CNGA1: variants seen among roughly 807,000 people sequenced by gnomAD.
CNGA1 encodes cyclic nucleotide-gated channel alpha-1.
In CNGA1, 53 loss-of-function variants were observed where a neutral mutation model predicts 69.7. The ratio of observed to expected loss-of-function variants is 0.76; its 90% CI spans 0.61 to 0.96. The LOEUF (loss-of-function observed/expected upper bound fraction) is 0.96. Ranked by LOEUF, CNGA1 falls within the 40% of genes least tolerant of loss-of-function variation. The probability of loss-of-function intolerance (pLI) is 0.00; values close to 1 mark genes in which losing one functional copy is unlikely to be tolerated. For synonymous variants in CNGA1, 249 were observed against 283.5 expected (o/e 0.88, Z 1.22); for missense variants, 739 against 811.2 (o/e 0.91, Z 1.08).
At chr4:47,992,130 G>A (rs1742296107) in intron 2 of CNGA1, among the ~76,000 whole-genome samples, 1 of 152,064 alleles carries the variant, frequency 6.6e-6, no homozygotes, top group Admixed American at 6.5e-5. Flanking sequence ...TTTTTGCTTA[G>A]TCTTGCTTTG....
intron 3 of CNGA1, among the ~76,000 whole-genome samples, chr4:47,956,198 T>C (rs541765726): frequency 1.3e-5 from 2 of 152,310 alleles, no homozygotes; most frequent in Non-Finnish European, 2.9e-5. Context: ...AGACAATGGA[T>C]CTTCCATTTC....
chr4:47,949,487 C>T (rs1739615084), intron 6 of CNGA1, among the ~76,000 whole-genome samples: 1 of 152,164 alleles, frequency 6.6e-6, no homozygotes, highest in Non-Finnish European at 1.5e-5. Flanking sequence ...CTTCTGCATA[C>T]AAGCCTCCAT....
At chr4:48,011,899 G>T (rs1715183053) in intron 1 of CNGA1, among the ~76,000 whole-genome samples, 1 of 152,098 alleles carries the variant, frequency 6.6e-6, no homozygotes, top group African/African-American at 2.4e-5. Context: ...CTTAATAGTG[G>T]CGGCCCTTAA....
At chr4:47,953,294 C>T (rs979569683) in intron 3 of CNGA1, among the ~76,000 whole-genome samples, 2 of 152,144 alleles carry the variant, frequency 1.3e-5, no homozygotes, top group Non-Finnish European at 2.9e-5. Flanking sequence ...ATGTACCAGA[C>T]TTATAAAACA....
intron 2 of CNGA1, among the ~76,000 whole-genome samples, chr4:47,985,586 A>G (rs1741941403): frequency 6.6e-6 from 1 of 152,238 alleles, no homozygotes; most frequent in South Asian, 2.1e-4. Flanking sequence ...CTTGGTCAAT[A>G]TCATGAAACT....
intron 2 of CNGA1, among the ~76,000 whole-genome samples, chr4:48,005,588 T>C (rs537301184): frequency 2.6e-4 from 39 of 152,330 alleles, no homozygotes; most frequent in Non-Finnish European, 4.7e-4. Context: ...CAAATACCTA[T>C]GAGTTGGGTA....
Position 48,016,586 on chromosome 4 carries a change from C to G in CNGA1, c.-326G>C. On this transcript the variant is annotated 5_prime_UTR_variant, in exon 1 of 11. Coordinates refer to ENST00000514170, the MANE Select transcript of CNGA1 (RefSeq NM_001379270.1). Reference sequence around the variant, plus strand: ...GTCGCGCCAAGGGGCAGCTGCTACTCCTGCCAGATACACCAGTTATCACAG... The same window carrying G: ...GTCGCGCCAAGGGGCAGCTGCTACTGCTGCCAGATACACCAGTTATCACAG... 1.9e-6 allele frequency: 1 copy of G among 518,344 alleles called. No homozygotes were observed. Among genetic ancestry groups the G allele is most frequent in the Middle Eastern group, 5.0e-4 (1 of 1,992 alleles). 32.1% of individuals were successfully genotyped at this position (518,344 alleles called of 1,614,324 possible).
At position 47,939,145 on chromosome 4, in the gene CNGA1, A is replaced by G. The variant is rs563806419; in HGVS notation, c.653-1316T>C. On this transcript the variant is annotated intron_variant, in intron 10 of 10. Transcript: ENST00000514170. ...TCCAAGATGGGGCTGGTCACCAGAA[A>G]GACTAAGTTATGTTTAGAAGCTTGG... 4.6e-5 allele frequency among the ~76,000 whole-genome samples: 7 copies of G among 152,312 alleles called. No individual in the cohort carries two copies. In the South Asian group the frequency reaches 1.2e-3, roughly 27 times the overall value.
At chr4:47,954,744 A>G (rs1439406986) in intron 3 of CNGA1, among the ~76,000 whole-genome samples, 2 of 152,228 alleles carry the variant, frequency 1.3e-5, no homozygotes, top group African/African-American at 4.8e-5. Flanking sequence ...CTTCTGTTCA[A>G]AACGTGCACA....
intron 2 of CNGA1, among the ~76,000 whole-genome samples, chr4:48,004,937 G>C (rs1296556478): frequency 6.6e-6 from 1 of 152,014 alleles, no homozygotes; most frequent in East Asian, 1.9e-4. Context: ...TTGTAGCCAA[G>C]AAAAATTAGA....
chr4:47,971,905 CAAACAAACA>C lies in CNGA1; in HGVS notation c.-15+9479_-15+9487del, dbSNP rs773271102. 1.4e-4 allele frequency among the ~76,000 whole-genome samples: 17 copies of C among 121,470 alleles called. No individual in the cohort carries two copies. The East Asian group carries it at 4.0e-3, about 29-fold the overall frequency. The allele number at this position is 121,470 out of a possible 152,430, so 79.7% of individuals were successfully genotyped here. ...CAAGACTCTCTGAAAAACAAACAAA[CAAACAAACA>C]AACAACAACAACAACAACAAAAACC... On this transcript the variant is annotated intron_variant, in intron 3 of 10. Transcript: ENST00000514170.
At chr4:47,943,921 C>T (rs1739246309) in intron 6 of CNGA1, among the ~76,000 whole-genome samples, 1 of 152,084 alleles carries the variant, frequency 6.6e-6, no homozygotes, top group South Asian at 2.1e-4. Context: ...GAATAATTTA[C>T]CAGATTTAAG....
chr4:47,970,659 A>AAAAAAG (rs1740966305), intron 3 of CNGA1, among the ~76,000 whole-genome samples: 2 of 150,536 alleles, frequency 1.3e-5, no homozygotes, highest in South Asian at 4.2e-4. Context: ...TTAAAAAAAA[A>AAAAAAG]AAAGAAAGAA....
chr4:47,977,193 T>C (rs1417247669), intron 3 of CNGA1, among the ~76,000 whole-genome samples: 5 of 152,168 alleles, frequency 3.3e-5, no homozygotes, highest in Non-Finnish European at 5.9e-5. Context: ...TTTAAAGAGA[T>C]GATTAAGTCA....
At chr4:48,001,793 C>A (rs987310984) in intron 2 of CNGA1, among the ~76,000 whole-genome samples, 2 of 151,792 alleles carry the variant, frequency 1.3e-5, no homozygotes, top group Non-Finnish European at 2.9e-5. Flanking sequence ...GGGCCATAAA[C>A]CAAATCTCAA....
In CNGA1 at chr4:47,980,521, C is replaced by T. The variant is rs138169176; in HGVS notation, c.-15+872G>A. Among the ~76,000 whole-genome samples the T allele has an allele frequency of 7.4e-3, 1,036 of 140,686 alleles. 8 individuals are homozygous for T. Among genetic ancestry groups the T allele is most frequent in the African/African-American group, 0.026 (976 of 36,858 alleles). 92.3% of individuals were successfully genotyped at this position (140,686 alleles called of 152,430 possible). A position where few individuals can be genotyped will look rare whatever the true frequency, so the allele number is the denominator to read the frequency against. On this transcript the variant is annotated intron_variant, in intron 3 of 10. Coordinates refer to ENST00000514170, the MANE Select transcript of CNGA1 (RefSeq NM_001379270.1). ...ACAGCGTCTCTCTCTTTCACTCAGG[C>T]TGGAGTGCAGTGGTGTGATCTCGGC... is the stretch of plus-strand genomic sequence containing the variant.
At chr4:47,948,452 T>A (rs1739554302) in intron 6 of CNGA1, among the ~76,000 whole-genome samples, 1 of 152,094 alleles carries the variant, frequency 6.6e-6, no homozygotes, top group Non-Finnish European at 1.5e-5. Context: ...TAAGTAGGGG[T>A]GACAAATGTA....
At chr4:47,993,773 T>C (rs1376126046) in intron 2 of CNGA1, among the ~76,000 whole-genome samples, 2 of 152,104 alleles carry the variant, frequency 1.3e-5, no homozygotes, top group African/African-American at 4.8e-5. Flanking sequence ...GGTGTGACCT[T>C]AGATTGTCTG....
chr4:47,940,848 T>C lies in CNGA1; in HGVS notation c.567A>G (p.Gln189=), dbSNP rs766164333. 72 of 1,610,290 alleles carry C rather than the reference T, an allele frequency of 4.5e-5. No individual in the cohort carries two copies. Among genetic ancestry groups the C allele is most frequent in the Non-Finnish European group, 5.7e-5 (67 of 1,177,084 alleles). ...VIARACFDEL[Q]SDYLEYWLIL... ...TGAGCCAATATTCTAGGTAATCAGA[T>C]TGAAGTTCATCAAAACATGCTCTAT... Residue 189 remains glutamine (Q), a synonymous_variant, in exon 10 of 11, where the codon CAA becomes CAG. Coordinates refer to ENST00000514170, the MANE Select transcript of CNGA1 (RefSeq NM_001379270.1).
Sources: allele counts gnomAD v4.1 joint callset (sites outside exome capture counted in the v4.1 genomes callset), GRCh38; gene constraint gnomAD v4.1.1; transcripts MANE v1.5; gene names NCBI Gene and HGNC (gene_info 2026-07-23, HGNC 2026-07-21).